The following RBFOX3 variants were observed in gnomAD, a reference collection of about 807,000 sequenced individuals.
The protein encoded by RBFOX3 is RNA binding fox-1 homolog 3.
A neutral mutation model predicts 48.7 loss-of-function variants in RBFOX3; 17 were observed. The observed-to-expected ratio is 0.35, with a 90% CI of 0.24 to 0.52. The LOEUF is 0.52. RBFOX3 is among the 20% of genes least tolerant of loss of function. The pLI is 0.94. For missense variants in RBFOX3, 382 were observed against 497.5 expected, an observed-to-expected ratio of 0.77 and a Z score of 2.21; for synonymous variants, 212 against 209.5, an observed-to-expected ratio of 1.01 and a Z score of -0.10.
At chr17:79,544,551 C>T (rs2090138013) in intron 1 of RBFOX3, among the ~76,000 whole-genome samples, 1 of 152,130 alleles carries the variant, frequency 6.6e-6, no homozygotes, top group African/African-American at 2.4e-5. Context: ...GTCCACTCCT[C>T]CCGTCGGAGT....
At chr17:79,489,773 T>G (rs2080222386) in intron 1 of RBFOX3, among the ~76,000 whole-genome samples, 1 of 152,202 alleles carries the variant, frequency 6.6e-6, no homozygotes, top group Non-Finnish European at 1.5e-5. Context: ...TGGGTGCCAG[T>G]GGTTCTACTT....
rs985385481 is a variant in RBFOX3 at position 79,363,622 on chromosome 17, A to G, written c.-174-55798T>C. On this transcript the variant is annotated intron_variant, in intron 2 of 14. Coordinates refer to ENST00000693108, the MANE Select transcript of RBFOX3 (RefSeq NM_001350451.2). This position sits in a 1 kb window ranked among gnomAD's most constrained non-coding sequence, Gnocchi z 4.7. ...AACATACCTCTTACCCAGGGGCCCA[A>G]TCGAAGATCTAGGGCCTTCGATTCC... Among the ~76,000 whole-genome samples, 3 of 151,842 alleles carry G rather than the reference A, an allele frequency of 2.0e-5. No homozygotes were observed. The highest frequency in any genetic ancestry group is 2.1e-4 in the South Asian group (1 of 4,792).
intron 5 of RBFOX3, among the ~76,000 whole-genome samples, chr17:79,112,060 G>A (rs890432589): frequency 2.0e-5 from 3 of 152,212 alleles, no homozygotes; most frequent in Non-Finnish European, 4.4e-5. Flanking sequence ...GAGCAGAGAC[G>A]CCCCTGCCCC....
At chr17:79,313,943 C>T (rs930354787) in intron 2 of RBFOX3, among the ~76,000 whole-genome samples, 2 of 152,218 alleles carry the variant, frequency 1.3e-5, no homozygotes, top group African/African-American at 2.4e-5. Flanking sequence ...TTCATCCTCA[C>T]TTGCATGTCC....
intron 3 of RBFOX3, among the ~76,000 whole-genome samples, chr17:79,244,224 G>A (rs71387907): frequency 3.9e-5 from 6 of 152,270 alleles, no homozygotes; most frequent in African/African-American, 1.2e-4. Flanking sequence ...AGAGAGACAC[G>A]CATTGGGTGA....
At chr17:79,426,220 G>A (rs971720023) in intron 2 of RBFOX3, among the ~76,000 whole-genome samples, 2 of 152,268 alleles carry the variant, frequency 1.3e-5, no homozygotes, top group South Asian at 4.2e-4. Context: ...CCACCTTTCC[G>A]GCAGCATCCC....
intron 1 of RBFOX3, among the ~76,000 whole-genome samples, chr17:79,493,844 C>T (rs945476929): frequency 6.6e-6 from 1 of 152,188 alleles, no homozygotes; most frequent in Non-Finnish European, 1.5e-5. Flanking sequence ...AAAACCACTT[C>T]CCTCCCCAAG....
intron 2 of RBFOX3, among the ~76,000 whole-genome samples, chr17:79,407,377 G>A (rs114781289): frequency 6.6e-6 from 1 of 152,218 alleles, no homozygotes. Flanking sequence ...CTCAACTATT[G>A]AATAAAGGTC....
At chr17:79,487,694 G>A (rs1331219795) in intron 1 of RBFOX3, among the ~76,000 whole-genome samples, 4 of 152,028 alleles carry the variant, frequency 2.6e-5, no homozygotes, top group African/African-American at 7.2e-5. Flanking sequence ...GGTGGATCAC[G>A]AGGTCAGGAG....
chr17:79,588,711 C>T (rs1285036100), intron 1 of RBFOX3, among the ~76,000 whole-genome samples: 3 of 149,666 alleles, frequency 2.0e-5, no homozygotes, highest in African/African-American at 4.9e-5. Context: ...GCTTGGACCT[C>T]GGCAATATAG....
At chr17:79,286,984 G>A (rs2072072367) in intron 3 of RBFOX3, among the ~76,000 whole-genome samples, 1 of 152,226 alleles carries the variant, frequency 6.6e-6, no homozygotes, top group Non-Finnish European at 1.5e-5. Context: ...CTCTGAGAAA[G>A]CAGCATGAAG....
At chr17:79,483,099 A>G (rs1294593262) in intron 1 of RBFOX3, among the ~76,000 whole-genome samples, 4 of 151,972 alleles carry the variant, frequency 2.6e-5, no homozygotes, top group Non-Finnish European at 2.9e-5. Flanking sequence ...ACAGCCTTCC[A>G]CTGGTGTCCT....
At position 79,271,633 on chromosome 17, in the gene RBFOX3, C is replaced by T. The variant is rs559109010; in HGVS notation, c.-73-35828G>A. Among the ~76,000 whole-genome samples the T allele has an allele frequency of 6.7e-4, 102 of 152,318 alleles. 1 individual carries two copies. Among genetic ancestry groups the T allele is most frequent in the South Asian group, 1.7e-3 (8 of 4,822 alleles). On this transcript the variant is annotated intron_variant, in intron 3 of 14. Transcript: ENST00000693108. ...GTCTTTCTTCTGACTTTCCCTTCTC[C>T]CACCCCATCTCATTCCAACTGAAAG...
rs1188401549 is a variant in RBFOX3 at position 79,480,894 on chromosome 17, GA to G, written c.-175+1559del. Among the ~76,000 whole-genome samples the G allele has an allele frequency of 6.6e-6, 1 of 152,170 alleles. No homozygotes were observed. Among genetic ancestry groups the G allele is most frequent in the East Asian group, 1.9e-4 (1 of 5,198 alleles). On this transcript the variant is annotated intron_variant, in intron 2 of 14. Coordinates refer to ENST00000693108, the MANE Select transcript of RBFOX3 (RefSeq NM_001350451.2). This position sits in a 1 kb window ranked among gnomAD's most constrained non-coding sequence, Gnocchi z 4.8. Reference sequence around the variant, plus strand: ...GTCCCTGCTAAAATATAAACACCATGAGGGCCAGAACTTGACCTTGTCTCCA... The same window carrying G: ...GTCCCTGCTAAAATATAAACACCATGGGGCCAGAACTTGACCTTGTCTCCA...
intron 1 of RBFOX3, among the ~76,000 whole-genome samples, chr17:79,585,045 G>A (rs967109210): frequency 2.5e-4 from 38 of 151,862 alleles, no homozygotes; most frequent in Non-Finnish European, 8.8e-5. Context: ...GATTACAGGC[G>A]TGAGCCACGG....
intron 1 of RBFOX3, among the ~76,000 whole-genome samples, chr17:79,537,001 C>T (rs1481988859): frequency 6.6e-6 from 1 of 152,068 alleles, no homozygotes; most frequent in Non-Finnish European, 1.5e-5. Context: ...AGGAGAATCA[C>T]TTGAACCCAG....
rs374244826 is a variant in RBFOX3, at chr17:79,547,507, C to G, written c.-320+63319G>C. ...TTGCTTGTGGAAGGGACAAAGAGAC[C>G]AAGAATAGGAACTTCAGGAGCCAAA... On this transcript the variant is annotated intron_variant, in intron 1 of 14. Coordinates refer to ENST00000693108, the MANE Select transcript of RBFOX3 (RefSeq NM_001350451.2). Among the ~76,000 whole-genome samples, 3 of 152,228 alleles carry G rather than the reference C, an allele frequency of 2.0e-5. No individual in the cohort carries two copies. The South Asian group carries it at 6.2e-4, about 32-fold the overall frequency.
chr17:79,377,632 G>T (rs28360927), intron 2 of RBFOX3, among the ~76,000 whole-genome samples: 39 of 152,142 alleles, frequency 2.6e-4, no homozygotes, highest in African/African-American at 8.7e-4. Flanking sequence ...GAGCCAGAAC[G>T]GCATTGTGTC....
chr17:79,210,121 T>C (rs1188276897), intron 4 of RBFOX3, among the ~76,000 whole-genome samples: 1 of 152,144 alleles, frequency 6.6e-6, no homozygotes, highest in African/African-American at 2.4e-5. Flanking sequence ...AGATAACCTC[T>C]GGAGCCCGAG....
Sources: gnomAD v4.1 joint callset for allele counts (sites outside exome capture counted in the v4.1 genomes callset) on GRCh38, gnomAD v4.1.1 for gene constraint, Gnocchi (gnomAD v3.1) non-coding constraint, MANE v1.5 for transcripts, NCBI Gene and HGNC (gene_info 2026-07-23, HGNC 2026-07-21) for gene names.